Variants in ANKS1B observed in about 807,000 individuals in gnomAD.
The protein encoded by ANKS1B is ankyrin repeat and sterile alpha motif domain-containing protein 1B.
ANKS1B carries 36 observed loss-of-function variants against 148.3 expected under a neutral mutation model. The ratio of observed to expected loss-of-function variants is 0.24; its 90% CI spans 0.19 to 0.32. The LOEUF (loss-of-function observed/expected upper bound fraction) is 0.32, where lower values mean the gene tolerates loss of function less well. ANKS1B is among the 10% of genes least tolerant of loss of function. The pLI is 1.00. For missense variants in ANKS1B, 1,157 were observed against 1,542.6 expected, an observed-to-expected ratio of 0.75 and a Z score of 4.19; for synonymous variants, 542 against 560.8, an observed-to-expected ratio of 0.97 and a Z score of 0.47.
chr12:99,855,558 C>T (rs932121774), intron 1 of ANKS1B, among the ~76,000 whole-genome samples: 8 of 152,118 alleles, frequency 5.3e-5, no homozygotes, highest in Admixed American at 1.3e-4. Flanking sequence ...CTAAAACAAA[C>T]GGACTTAACA....
intron 10 of ANKS1B, among the ~76,000 whole-genome samples, chr12:99,482,151 TAC>T (rs573368822): frequency 2.1e-3 from 326 of 152,186 alleles, no homozygotes; most frequent in Middle Eastern, 0.014. Flanking sequence ...CCAGAATTTT[TAC>T]AGTTTCATGT....
chr12:99,390,827 G>C (rs2094036679), intron 12 of ANKS1B, among the ~76,000 whole-genome samples: 2 of 152,222 alleles, frequency 1.3e-5, no homozygotes, highest in South Asian at 4.1e-4. Context: ...AAGCCAACTG[G>C]ACTGCCCTGG....
intron 17 of ANKS1B, among the ~76,000 whole-genome samples, chr12:98,851,071 A>G (rs2099522307): frequency 6.6e-6 from 1 of 152,188 alleles, no homozygotes; most frequent in Non-Finnish European, 1.5e-5. Context: ...TTCTATTTTG[A>G]GAGTCATGCC....
intron 9 of ANKS1B, among the ~76,000 whole-genome samples, chr12:99,590,434 C>G (rs1477104488): frequency 6.6e-6 from 1 of 152,160 alleles, no homozygotes; most frequent in East Asian, 1.9e-4. Flanking sequence ...TTATCTGTCT[C>G]TATTATAACT....
At chr12:98,735,611 G>A (rs1192338753) in exon 10 of ANKS1B, 2 of 772,322 alleles carry the variant, frequency 2.6e-6, no homozygotes, top group Non-Finnish European at 4.9e-6. Context: ...GTTCCTGCCC[G>A]GTATGGCTGG....
At chr12:99,369,791 TGGACGGACGGAC>T (rs1210590636) in intron 12 of ANKS1B, among the ~76,000 whole-genome samples, 14 of 148,886 alleles carry the variant, frequency 9.4e-5, no homozygotes, top group East Asian at 4.0e-4. Context: ...GATAGATAGA[TGGACGGACGGAC>T]AGACGGACGG....
chr12:99,703,521 C>G (rs528539590), intron 8 of ANKS1B, among the ~76,000 whole-genome samples: 43 of 152,196 alleles, frequency 2.8e-4, no homozygotes, highest in African/African-American at 9.4e-4. Context: ...TCCTGTTTCA[C>G]GCCTCGTATC....
At chr12:98,864,707 C>T (rs2099615841) in intron 17 of ANKS1B, among the ~76,000 whole-genome samples, 1 of 152,200 alleles carries the variant, frequency 6.6e-6, no homozygotes, top group South Asian at 2.1e-4. Flanking sequence ...TACTTACATC[C>T]TAGTGGTTCT....
At chr12:99,732,973 A>G (rs2059306108) in intron 8 of ANKS1B, among the ~76,000 whole-genome samples, 1 of 152,122 alleles carries the variant, frequency 6.6e-6, no homozygotes, top group Admixed American at 6.5e-5. Context: ...TCAATGTAAA[A>G]ATAATTATCA....
chr12:99,768,703 G>A (rs1333325843), intron 8 of ANKS1B, among the ~76,000 whole-genome samples: 2 of 151,832 alleles, frequency 1.3e-5, no homozygotes, highest in Non-Finnish European at 2.9e-5. Flanking sequence ...GCACGTGCCT[G>A]TAGTCCCAGC....
intron 17 of ANKS1B, among the ~76,000 whole-genome samples, chr12:98,995,907 G>A (rs756768082): frequency 6.6e-6 from 1 of 152,110 alleles, no homozygotes. Context: ...CACAGGGAGC[G>A]AGAAAGAGCT....
rs1468885108 is a variant in ANKS1B at position 99,912,500 on chromosome 12, C to G, written c.134+71604G>C. Among the ~76,000 whole-genome samples the G allele has an allele frequency of 2.0e-5, 3 of 152,120 alleles. No homozygotes were observed. In the East Asian group the frequency reaches 5.8e-4, roughly 29 times the overall value. Reference sequence around the variant, plus strand: ...CCAAGTAGCTGGGATTACAGGCACACACCACCACGCCTGGCTAATTTTTAT... The same window carrying G: ...CCAAGTAGCTGGGATTACAGGCACAGACCACCACGCCTGGCTAATTTTTAT... On this transcript the variant is annotated intron_variant, in intron 1 of 26. Transcript: ENST00000683438.
At chr12:99,404,657 A>C (rs2094490976) in intron 11 of ANKS1B, among the ~76,000 whole-genome samples, 1 of 145,794 alleles carries the variant, frequency 6.9e-6, no homozygotes, top group Admixed American at 6.8e-5. Context: ...CAAGATCTAG[A>C]AAATAGCTTC....
rs1024730819 is a variant in ANKS1B, at chr12:99,155,175, C to T, written c.2420-780G>A. On this transcript the variant is annotated intron_variant, in intron 14 of 26. Transcript: ENST00000683438. ...CTATAGCTTATAACAGAGCTCACGA[C>T]AGGTTCCCTTTCTCCTTTTCCTTTC... 7.2e-6 allele frequency: 10 copies of T among 1,386,552 alleles called. No homozygotes were observed. In the African/African-American group the frequency reaches 1.3e-4, roughly 18 times the overall value. The allele number at this position is 1,386,552 out of a possible 1,614,324, so 85.9% of individuals were successfully genotyped here. A position where few individuals can be genotyped will look rare whatever the true frequency, so the allele number is the denominator to read the frequency against.
intron 19 of ANKS1B, among the ~76,000 whole-genome samples, chr12:98,827,403 C>A (rs2099258091): frequency 6.6e-6 from 1 of 152,170 alleles, no homozygotes; most frequent in Non-Finnish European, 1.5e-5. Context: ...TTCACTACGT[C>A]CCATCAGCCT....
intron 1 of ANKS1B, among the ~76,000 whole-genome samples, chr12:99,933,934 G>GGT (rs1171264754): frequency 1.3e-5 from 2 of 151,904 alleles, no homozygotes; most frequent in African/African-American, 4.8e-5. Context: ...GTGTTTTGAG[G>GGT]GTTTTATCAT....
At chr12:99,092,470 G>GAA (rs5800375) in intron 15 of ANKS1B, among the ~76,000 whole-genome samples, 10,251 of 116,454 alleles carry the variant, frequency 0.088, 1,015 homozygotes, top group African/African-American at 0.25. Flanking sequence ...CTGTGAAGCT[G>GAA]AAAAAAAAAA....
intron 1 of ANKS1B, among the ~76,000 whole-genome samples, chr12:99,889,307 G>A (rs11110086): frequency 0.096 from 14,614 of 152,128 alleles, 799 homozygotes; most frequent in African/African-American, 0.14. Flanking sequence ...AATTATCCAA[G>A]ATCTCCAACC....
At chr12:99,599,514 C>T (rs2097784347) in intron 9 of ANKS1B, among the ~76,000 whole-genome samples, 1 of 151,982 alleles carries the variant, frequency 6.6e-6, no homozygotes, top group South Asian at 2.1e-4. Flanking sequence ...AAAAAAATCA[C>T]TACAGAGTTA....
Sources: allele counts gnomAD v4.1 joint callset (sites outside exome capture counted in the v4.1 genomes callset), GRCh38; gene constraint gnomAD v4.1.1; transcripts MANE v1.5; gene names NCBI Gene and HGNC (gene_info 2026-07-23, HGNC 2026-07-21).